HACE1: variants seen among roughly 807,000 people sequenced by gnomAD.
HACE1 encodes E3 ubiquitin-protein ligase HACE1.
A neutral mutation model predicts 118.4 loss-of-function variants in HACE1; 73 were observed. That is an observed-to-expected ratio of 0.62 (90% CI 0.51 to 0.75). HACE1 has a LOEUF of 0.75. Ranked by LOEUF, HACE1 falls within the 30% of genes least tolerant of loss-of-function variation. HACE1 has a pLI of 0.00. For synonymous variants in HACE1, 368 were observed against 374.8 expected (o/e 0.98, Z 0.21); for missense variants, 749 against 1,102.2 (o/e 0.68, Z 4.54).
At chr6:104,772,220 G>A (rs2114715101) in intron 17 of HACE1, 146 bp from the exon 18 acceptor site, 1 of 564,944 alleles carries the variant, frequency 1.8e-6, no homozygotes, top group East Asian at 2.9e-5. Context: ...TGTTCTTTGT[G>A]GAAAATATAA....
chr6:104,852,230 C>CGCGA, intron 2 of HACE1, 87 bp downstream of exon 2: 1 of 697,338 alleles, frequency 1.4e-6, no homozygotes, highest in African/African-American at 2.0e-5. Context: ...TGTGTGTGTG[C>CGCGA]GCGCGTGCGC....
chr6:104,743,080 C>T (rs1199184118), intron 22 of HACE1, among the ~76,000 whole-genome samples: 6 of 148,482 alleles, frequency 4.0e-5, no homozygotes, highest in Non-Finnish European at 7.4e-5. Context: ...CCAAACACCG[C>T]GTATTCTCAT....
intron 22 of HACE1, among the ~76,000 whole-genome samples, chr6:104,740,137 A>G (rs908670431): frequency 9.4e-5 from 14 of 148,496 alleles, no homozygotes; most frequent in Admixed American, 2.0e-4. Flanking sequence ...ACGACACAAC[A>G]TACCAGAATC....
chr6:104,815,015 G>A lies in HACE1; in HGVS notation c.535-3622C>T, dbSNP rs1237084461. On this transcript the variant is annotated intron_variant, in intron 6 of 23. Transcript: ENST00000262903. ...TGACTAATATAGAAAATCAGTACCA[G>A]GAGTGGGACACTCCTATAAAGACAC... Among the ~76,000 whole-genome samples, 2 of 138,308 alleles carry A rather than the reference G, an allele frequency of 1.4e-5. 1 individual carries two copies. The highest frequency in any genetic ancestry group is 4.3e-4 in the East Asian group (2 of 4,662). The allele number at this position is 138,308 out of a possible 152,430, so 90.7% of individuals were successfully genotyped here. A position where few individuals can be genotyped will look rare whatever the true frequency, so the allele number is the denominator to read the frequency against.
chr6:104,800,395 C>T lies in HACE1; in HGVS notation c.618-3370G>A, dbSNP rs555894088. Among the ~76,000 whole-genome samples the T allele has an allele frequency of 7.9e-5, 12 of 152,294 alleles. No homozygotes were observed. In the South Asian group the frequency reaches 8.3e-4, roughly 11 times the overall value. ...CACCACAGCCTTTGAGCTCTGAGAA[C>T]GGACAGACTGCCTCCTCAAGTGGGT... is the stretch of plus-strand genomic sequence containing the variant. On this transcript the variant is annotated intron_variant, in intron 7 of 23. Coordinates refer to ENST00000262903, the MANE Select transcript of HACE1 (RefSeq NM_020771.4).
Position 104,728,197 on chromosome 6 carries a change from T to C in HACE1, c.*1465A>G, listed in dbSNP as rs1016802779. On this transcript the variant is annotated 3_prime_UTR_variant, in exon 24 of 24. Coordinates refer to ENST00000262903, the MANE Select transcript of HACE1 (RefSeq NM_020771.4). Reference sequence around the variant, plus strand: ...TTATATGGTTATAAACAGAAACATATCTGTAAACATTAGTATTATAAGCAG... The same window carrying C: ...TTATATGGTTATAAACAGAAACATACCTGTAAACATTAGTATTATAAGCAG... The C allele has an allele frequency of 1.2e-4, 18 of 152,172 alleles. No homozygotes were observed. Among genetic ancestry groups the C allele is most frequent in the African/African-American group, 4.1e-4 (17 of 41,436 alleles). The allele number at this position is 152,172 out of a possible 1,614,324, so 9.4% of individuals were successfully genotyped here.
At chr6:104,857,813 C>T (rs1776883293) in intron 1 of HACE1, among the ~76,000 whole-genome samples, 1 of 151,948 alleles carries the variant, frequency 6.6e-6, no homozygotes, top group East Asian at 1.9e-4. Context: ...AAAAATTAGC[C>T]GGGCCTGGTG....
intron 5 of HACE1, among the ~76,000 whole-genome samples, chr6:104,842,730 G>A (rs1489900370): frequency 1.3e-5 from 2 of 152,140 alleles, no homozygotes; most frequent in Non-Finnish European, 2.9e-5. Context: ...TTAAAAAGGA[G>A]AAGAGAGAAA....
intron 14 of HACE1, among the ~76,000 whole-genome samples, chr6:104,782,961 G>T (rs969668724): frequency 6.6e-6 from 1 of 152,116 alleles, no homozygotes; most frequent in African/African-American, 2.4e-5. Flanking sequence ...TTCTCCTAAA[G>T]CAAGGGTATC....
At chr6:104,811,266 A>ATATATATATATG in intron 7 of HACE1, 45 bp downstream of exon 7, 1 of 487,130 alleles carries the variant, frequency 2.1e-6, no homozygotes, top group Non-Finnish European at 3.9e-6. Context: ...ATATATATAT[A>ATATATATATATG]TATATATGAG....
At chr6:104,807,679 T>A (rs1771160952) in intron 7 of HACE1, among the ~76,000 whole-genome samples, 1 of 151,978 alleles carries the variant, frequency 6.6e-6, no homozygotes, top group Non-Finnish European at 1.5e-5. Context: ...ATAAAAGACT[T>A]AAAGGTGTGT....
At chr6:104,778,716 CTT>C (rs932305934) in intron 14 of HACE1, among the ~76,000 whole-genome samples, 2 of 151,842 alleles carry the variant, frequency 1.3e-5, no homozygotes, top group Non-Finnish European at 1.5e-5. Flanking sequence ...TGGGAGAAAA[CTT>C]TAACCCAGGA....
intron 14 of HACE1, among the ~76,000 whole-genome samples, chr6:104,780,787 A>C (rs1341758242): frequency 6.6e-6 from 1 of 152,212 alleles, no homozygotes; most frequent in Non-Finnish European, 1.5e-5. Flanking sequence ...TCTTATTGCA[A>C]AATGATTCAT....
Position 104,789,379 on chromosome 6 carries a change from A to C in HACE1, c.1074+2125T>G, listed in dbSNP as rs575870054. On this transcript the variant is annotated intron_variant, in intron 11 of 23. Transcript: ENST00000262903. ...GTGATGAGAAGAAATAGTAGTTGTC[A>C]ATGCTGTAGAAAGCAGTACCTTAAA... 1.3e-3 allele frequency among the ~76,000 whole-genome samples: 193 copies of C among 152,258 alleles called. 2 individuals are homozygous for C. Among genetic ancestry groups the C allele is most frequent in the Admixed American group, 3.9e-3 (60 of 15,302 alleles).
At chr6:104,847,289 A>G (rs1186654856) in intron 4 of HACE1, among the ~76,000 whole-genome samples, 1 of 152,188 alleles carries the variant, frequency 6.6e-6, no homozygotes, top group Non-Finnish European at 1.5e-5. Context: ...ACAGAGTACT[A>G]TGATATTTTT....
intron 6 of HACE1, among the ~76,000 whole-genome samples, chr6:104,826,519 C>T (rs1356213463): frequency 6.6e-6 from 1 of 152,108 alleles, no homozygotes; most frequent in African/African-American, 2.4e-5. Flanking sequence ...ATCTATAAGC[C>T]ATGAAGTCCA....
chr6:104,776,742 A>G lies in HACE1; in HGVS notation c.1863T>C (p.Asp621=), dbSNP rs963432398. 1 of 1,569,892 alleles carries G rather than the reference A, an allele frequency of 6.4e-7. No individual in the cohort carries two copies. The highest frequency in any genetic ancestry group is 8.8e-7 in the Non-Finnish European group (1 of 1,139,548). ...AGTCATCTAGACTGTACAACTTACC[A>G]TCAGCTGACTGGGTAAACAATGCAT... is the stretch of plus-strand genomic sequence containing the variant. ...PDYALFTQSA[D]GTTFQPNSNS... The change falls in exon 17 of 24, where the codon GAT becomes GAC. Residue 621 remains aspartate (D), a splice_region_variant and synonymous_variant. Transcript: ENST00000262903.
chr6:104,826,722 T>C (rs1174381202), intron 6 of HACE1, among the ~76,000 whole-genome samples: 2 of 152,224 alleles, frequency 1.3e-5, no homozygotes, highest in Non-Finnish European at 2.9e-5. Flanking sequence ...ATATACATAA[T>C]TTTAAGAGCT....
At chr6:104,849,529 G>A (rs1378302977) in intron 3 of HACE1, among the ~76,000 whole-genome samples, 2 of 145,092 alleles carry the variant, frequency 1.4e-5, no homozygotes, top group African/African-American at 5.1e-5. Context: ...TTTCTGTAGA[G>A]AAGAGACCTC....
Sources: allele counts gnomAD v4.1 joint callset (sites outside exome capture counted in the v4.1 genomes callset), GRCh38; gene constraint gnomAD v4.1.1; transcripts MANE v1.5; gene names NCBI Gene and HGNC (gene_info 2026-07-23, HGNC 2026-07-21).